Variants in REN observed in about 807,000 individuals in gnomAD.
REN encodes renin, also known as angiotensin-forming enzyme.
A neutral mutation model predicts 48.6 loss-of-function variants in REN; 42 were observed. The ratio of observed to expected loss-of-function variants is 0.86; its 90% confidence interval spans 0.68 to 1.12. REN has a LOEUF of 1.12. REN is among the 50% of genes most tolerant of loss of function. The probability of loss-of-function intolerance (pLI) is 0.00; values close to 1 mark genes in which losing one functional copy is unlikely to be tolerated. For synonymous variants in REN, 196 were observed against 204.6 expected (o/e 0.96, Z 0.36); for missense variants, 443 against 527.3 (o/e 0.84, Z 1.57).
At position 204,154,859 on chromosome 1, in the gene REN, G is replaced by A; in HGVS notation, c.*157C>T. On this transcript the variant is annotated 3_prime_UTR_variant, in exon 10 of 10. Coordinates refer to ENST00000272190, the MANE Select transcript of REN (RefSeq NM_000537.4). ...TTTATTCTCTTTGTCCTCAAAGCAGGGAAGGGCTGGTGCAGGGGTCAGGGC... is the reference window on the plus strand; with the variant it reads ...TTTATTCTCTTTGTCCTCAAAGCAGAGAAGGGCTGGTGCAGGGGTCAGGGC... 12 of 788,554 alleles carry A rather than the reference G, an allele frequency of 1.5e-5. No individual in the cohort carries two copies. The South Asian group carries it at 1.8e-4, about 12-fold the overall frequency. 48.8% of individuals were successfully genotyped at this position (788,554 alleles called of 1,614,324 possible).
chr1:204,156,738 C>A lies in REN; in HGVS notation c.757G>T (p.Glu253Ter). The change falls in exon 7 of 10, where the codon GAA becomes TAA. Residue 253 changes from glutamate (E) to a stop codon, truncating the protein, a stop_gained. Coordinates refer to ENST00000272190, the MANE Select transcript of REN (RefSeq NM_000537.4). LOFTEE classifies it high-confidence loss of function. The surrounding 1 kb of genome is among the most constrained non-coding windows in gnomAD (Gnocchi z 4.2). Reference sequence around the variant, plus strand: ...AGGTTGATATAGTGGAAATTCCCTTCGTAATGCTGGGGGTCGCTGCCTCCC... The same window carrying A: ...AGGTTGATATAGTGGAAATTCCCTTAGTAATGCTGGGGGTCGCTGCCTCCC... ...VLGGSDPQHY[E>*]GNFHYINLIK... is the part of the protein sequence containing the mutation. 6.2e-7 allele frequency: 1 copy of A among 1,614,054 alleles called. No individual in the cohort carries two copies. Among genetic ancestry groups the A allele is most frequent in the Non-Finnish European group, 8.5e-7 (1 of 1,179,966 alleles).
rs747753623 is a variant in REN at position 204,156,827 on chromosome 1, C to T, written c.699-31G>A. The T allele has an allele frequency of 6.2e-7, 1 of 1,612,410 alleles. No individual in the cohort carries two copies. Among genetic ancestry groups the T allele is most frequent in the Non-Finnish European group, 8.5e-7 (1 of 1,180,008 alleles). On this transcript the variant is annotated intron_variant, in intron 6 of 9. Coordinates refer to ENST00000272190, the MANE Select transcript of REN (RefSeq NM_000537.4). The surrounding 1 kb of genome is among the most constrained non-coding windows in gnomAD (Gnocchi z 4.2). ...GGAAAGATCAGAAGCTCTTGGAAAC[C>T]CATAACCTCCAGGACCCAGCAACTC...
chr1:204,156,028 C>T lies in REN; in HGVS notation c.961-110G>A. 2.1e-6 allele frequency: 3 copies of T among 1,444,738 alleles called. No homozygotes were observed. The highest frequency in any genetic ancestry group is 1.4e-5 in the African/African-American group (1 of 71,678). The allele number at this position is 1,444,738 out of a possible 1,614,324, so 89.5% of individuals were successfully genotyped here. ...CTGCTGGAGAGGGCTGGGGACAGTG[C>T]CCCGCCCCATGGGTGACCAGCCACA... On this transcript the variant is annotated intron_variant, in intron 8 of 9. Coordinates refer to ENST00000272190, the MANE Select transcript of REN (RefSeq NM_000537.4). This position sits in a 1 kb window ranked among gnomAD's most constrained non-coding sequence, Gnocchi z 4.2.
rs770190833 is a variant in REN at position 204,159,525 on chromosome 1, G to A, written c.563C>T (p.Ala188Val). 3.1e-6 allele frequency: 5 copies of A among 1,614,164 alleles called. No individual in the cohort carries two copies. The Admixed American group carries it at 5.0e-5, about 16-fold the overall frequency. The change falls in exon 5 of 10, where the codon GCC becomes GTC. Residue 188 changes from alanine (A) to valine (V), a missense_variant. Ala to Val is a moderately conservative substitution (Grantham distance 64). Coordinates refer to ENST00000272190, the MANE Select transcript of REN (RefSeq NM_000537.4). ...TEMPALPFMLAEFDGVVGMGF... is the reference protein window; with the variant it reads ...TEMPALPFMLVEFDGVVGMGF... ...CATGCCCACAACCCCATCAAACTCGGCCAGCATGAAGGGTAAGGCGGGCAT... is the reference window on the plus strand; with the variant it reads ...CATGCCCACAACCCCATCAAACTCGACCAGCATGAAGGGTAAGGCGGGCAT...
At chr1:204,158,278 T>C (rs548287405) in intron 5 of REN, among the ~76,000 whole-genome samples, 1 of 152,306 alleles carries the variant, frequency 6.6e-6, no homozygotes, top group Admixed American at 6.5e-5. Flanking sequence ...GAGCCGCCAA[T>C]TGGCCTTTTC....
Position 204,159,544 on chromosome 1 carries a change from C to T in REN, c.544G>A (p.Ala182Thr), listed in dbSNP as rs1457497079. Residue 182 changes from alanine to threonine, a missense_variant, in exon 5 of 10, where the codon GCC becomes ACC. Coordinates refer to ENST00000272190, the MANE Select transcript of REN (RefSeq NM_000537.4). ...QMFGEVTEMPALPFMLAEFDG... is the reference protein window; with the variant it reads ...QMFGEVTEMPTLPFMLAEFDG... ...AACTCGGCCAGCATGAAGGGTAAGG[C>T]GGGCATCTCCGTGACCTCTCCAAAC... 4.5e-5 allele frequency: 72 copies of T among 1,614,046 alleles called. No homozygotes were observed. The highest frequency in any genetic ancestry group is 5.5e-5 in the Non-Finnish European group (65 of 1,180,042).
At chr1:204,161,882 G>A in intron 2 of REN, 131 bp downstream of exon 2, 1 of 1,128,130 alleles carries the variant, frequency 8.9e-7, no homozygotes, top group South Asian at 1.6e-5. Context: ...GAATTTTCTA[G>A]GGTGCTCACG....
At chr1:204,163,075 G>A (rs1224694828) in intron 1 of REN, among the ~76,000 whole-genome samples, 3 of 152,134 alleles carry the variant, frequency 2.0e-5, no homozygotes, top group South Asian at 2.1e-4. Flanking sequence ...CCTGGGTCCC[G>A]ACATAAAGGC....
chr1:204,160,430 G>T (rs1241235608), intron 4 of REN, 130 bp downstream of exon 4: 3 of 742,604 alleles, frequency 4.0e-6, no homozygotes, highest in Non-Finnish European at 7.4e-6. Context: ...GCAGAGTAGG[G>T]TGTTCCTCAG....
chr1:204,157,500 C>A, intron 5 of REN, 131 bp from the exon 6 acceptor site: 1 of 1,331,610 alleles, frequency 7.5e-7, no homozygotes, highest in South Asian at 1.2e-5. Context: ...GAGGCGAAGT[C>A]ACTTGCCTGA....
rs1392648153 is a variant in REN at position 204,166,176 on chromosome 1, C to T, written c.98+20G>A. On this transcript the variant is annotated intron_variant, in intron 1 of 9. Coordinates refer to ENST00000272190, the MANE Select transcript of REN (RefSeq NM_000537.4). ...ACCCTGCACCCCTCCCACCCCTTCT[C>T]TGCCTGAGTTACCAATTACCGTTTA... The T allele has an allele frequency of 6.2e-7, 1 of 1,608,856 alleles. No homozygotes were observed. The highest frequency in any genetic ancestry group is 1.7e-5 in the Admixed American group (1 of 60,022).
intron 5 of REN, 76 bp downstream of exon 5, chr1:204,159,323 C>G (rs1417847928): frequency 7.3e-7 from 1 of 1,365,092 alleles, no homozygotes; most frequent in Non-Finnish European, 1.0e-6. Context: ...CAATTCTGGC[C>G]CAGACTCTCC....
intron 1 of REN, 37 bp from the exon 2 acceptor site, chr1:204,162,200 C>T (rs777186004): frequency 1.6e-5 from 26 of 1,611,636 alleles, no homozygotes; most frequent in Middle Eastern, 3.3e-4. Flanking sequence ...TAGAAAAGTG[C>T]TGTACCTCCA....
intron 1 of REN, among the ~76,000 whole-genome samples, chr1:204,163,123 G>A (rs1293097078): frequency 2.0e-5 from 3 of 152,172 alleles, no homozygotes; most frequent in South Asian, 4.1e-4. Context: ...AGCTGTTCAC[G>A]GGAAGGTCCC....
chr1:204,164,988 TTA>T (rs1658318792), intron 1 of REN, among the ~76,000 whole-genome samples: 1 of 151,982 alleles, frequency 6.6e-6, no homozygotes, highest in Admixed American at 6.6e-5. Context: ...TTTTTTTTTT[TTA>T]GACTGAGTTT....
intron 9 of REN, 60 bp from the exon 10 acceptor site, chr1:204,155,237 G>T: frequency 6.3e-7 from 1 of 1,582,734 alleles, no homozygotes; most frequent in Non-Finnish European, 8.6e-7. Context: ...CTTTCACCTT[G>T]CCTGACCCCC....
In REN at chr1:204,156,661, G is replaced by T; in HGVS notation, c.818+16C>A. 1 of 1,614,080 alleles carries T rather than the reference G, an allele frequency of 6.2e-7. No individual in the cohort carries two copies. On this transcript the variant is annotated intron_variant, in intron 7 of 9. Coordinates refer to ENST00000272190, the MANE Select transcript of REN (RefSeq NM_000537.4). The surrounding 1 kb of genome is among the most constrained non-coding windows in gnomAD (Gnocchi z 4.2). ...CAGCATTTTTTGGAGCCCGGGGAGG[G>T]TTGAGGATTTCTGACCCCTTCATTT... is the stretch of plus-strand genomic sequence containing the variant.
chr1:204,165,115 G>A (rs528891614), intron 1 of REN, among the ~76,000 whole-genome samples: 3 of 152,158 alleles, frequency 2.0e-5, no homozygotes, highest in Admixed American at 6.5e-5. Context: ...GGAATTACAG[G>A]CATGTGCCAC....
At chr1:204,159,668 C>T in intron 4 of REN, 73 bp from the exon 5 acceptor site, 1 of 1,331,082 alleles carries the variant, frequency 7.5e-7, no homozygotes, top group Admixed American at 1.7e-5. Context: ...TGGGCTTCCA[C>T]ACTAGGGATC....
Sources: gnomAD v4.1 joint callset for allele counts (sites outside exome capture counted in the v4.1 genomes callset) on GRCh38, gnomAD v4.1.1 for gene constraint, Gnocchi (gnomAD v3.1) non-coding constraint, MANE v1.5 for transcripts, NCBI Gene and HGNC (gene_info 2026-07-23, HGNC 2026-07-21) for gene names.